Variants in ARHGAP29 observed in about 807,000 individuals in gnomAD.
ARHGAP29 encodes Rho GTPase activating protein 29.
ARHGAP29 carries 43 observed loss-of-function variants against 122.6 expected under a neutral mutation model. That is an observed-to-expected ratio of 0.35 (90% CI 0.27 to 0.45). The LOEUF (loss-of-function observed/expected upper bound fraction) is 0.45. Ranked by LOEUF, ARHGAP29 falls within the 20% of genes least tolerant of loss-of-function variation. ARHGAP29 has a pLI of 1.00. For missense variants in ARHGAP29, 1,303 were observed against 1,477.2 expected, an observed-to-expected ratio of 0.88 and a Z score of 1.93; for synonymous variants, 506 against 497.1, an observed-to-expected ratio of 1.02 and a Z score of -0.24.
rs932256515 is a variant in ARHGAP29 at position 94,170,186 on chromosome 1, T to C, written c.*3683A>G. 3.3e-5 allele frequency among the ~76,000 whole-genome samples: 5 copies of C among 152,226 alleles called. No individual in the cohort carries two copies. The highest frequency in any genetic ancestry group is 7.3e-5 in the Non-Finnish European group (5 of 68,046). ...ATTCTAATTTTACAATGGAGAAACC[T>C]GGTATATACTATCTGAACCAAGTGA... On this transcript the variant is annotated 3_prime_UTR_variant, in exon 23 of 23. Transcript: ENST00000260526.
In ARHGAP29 at chr1:94,170,004, G is replaced by C. The variant is rs1223171739; in HGVS notation, c.*3865C>G. Among the ~76,000 whole-genome samples the C allele has an allele frequency of 6.6e-6, 1 of 152,194 alleles. No homozygotes were observed. Among genetic ancestry groups the C allele is most frequent in the East Asian group, 1.9e-4 (1 of 5,198 alleles). ...GAAGGAAGAGCTCTTCCTTACAGTA[G>C]TAGGATGCCAACCAAGGCAGAAGCC... On this transcript the variant is annotated 3_prime_UTR_variant, in exon 23 of 23. Transcript: ENST00000260526.
At chr1:94,247,752 C>G (rs1424022889) in intron 1 of ARHGAP29, 1 of 613,040 alleles carries the variant, frequency 1.6e-6, no homozygotes, top group Non-Finnish European at 2.0e-6. Flanking sequence ...CAGCTACCGC[C>G]ACGGCTGCGC....
chr1:94,300,364 C>A, the ARHGAP29 span, among the ~76,000 whole-genome samples: 9 of 152,186 alleles, frequency 5.9e-5, no homozygotes, highest in Non-Finnish European at 2.9e-5. Context: ...TTAAAGAAAC[C>A]AGTTTCAAGC....
chr1:94,171,047 G>C lies in ARHGAP29; in HGVS notation c.*2822C>G, dbSNP rs1048402056. On this transcript the variant is annotated 3_prime_UTR_variant, in exon 23 of 23. Transcript: ENST00000260526. ...CATCACCATAATTTCCTGCCTGTAGGAAAGAAAAACCCACAGAATTCCACT... is the reference window on the plus strand; with the variant it reads ...CATCACCATAATTTCCTGCCTGTAGCAAAGAAAAACCCACAGAATTCCACT... Among the ~76,000 whole-genome samples, 3 of 152,062 alleles carry C rather than the reference G, an allele frequency of 2.0e-5. No individual in the cohort carries two copies. Among genetic ancestry groups the C allele is most frequent in the African/African-American group, 7.2e-5 (3 of 41,384 alleles).
chr1:94,252,273 A>G (rs969803883), intron 1 of ARHGAP29, among the ~76,000 whole-genome samples: 4 of 152,210 alleles, frequency 2.6e-5, no homozygotes, highest in African/African-American at 4.8e-5. Context: ...AGTTCTGCTT[A>G]TAGCTTGGTT....
the ARHGAP29 span, among the ~76,000 whole-genome samples, chr1:94,282,794 G>T: frequency 7.2e-5 from 11 of 152,286 alleles, no homozygotes; most frequent in Admixed American, 3.9e-4. Context: ...TACTGCAGAA[G>T]AAGAACCAAG....
At chr1:94,183,170 AAT>A (rs1649582480) in intron 19 of ARHGAP29, among the ~76,000 whole-genome samples, 1 of 150,986 alleles carries the variant, frequency 6.6e-6, no homozygotes, top group South Asian at 2.1e-4. Flanking sequence ...GTACTCTATA[AAT>A]ATGTACAGTT....
chr1:94,211,461 T>C (rs1448168257), intron 3 of ARHGAP29, among the ~76,000 whole-genome samples: 1 of 151,818 alleles, frequency 6.6e-6, no homozygotes, highest in Admixed American at 6.6e-5. Flanking sequence ...AGATGGAAAA[T>C]AAGTAAGCAT....
intron 1 of ARHGAP29, among the ~76,000 whole-genome samples, chr1:94,270,476 C>A (rs1364228287): frequency 6.6e-6 from 1 of 152,160 alleles, no homozygotes; most frequent in Non-Finnish European, 1.5e-5. Context: ...TTTGGCGCTG[C>A]CATATCATAC....
At chr1:94,180,566 C>A (rs1649389967) in intron 19 of ARHGAP29, among the ~76,000 whole-genome samples, 1 of 152,146 alleles carries the variant, frequency 6.6e-6, no homozygotes, top group Non-Finnish European at 1.5e-5. Flanking sequence ...GTACCTCTGA[C>A]TACTACCTGA....
chr1:94,265,987 G>T (rs1029618344), intron 1 of ARHGAP29, among the ~76,000 whole-genome samples: 6 of 152,316 alleles, frequency 3.9e-5, no homozygotes, highest in African/African-American at 1.4e-4. Flanking sequence ...ACAAGCATGT[G>T]ATGCAGGGAG....
the ARHGAP29 span, among the ~76,000 whole-genome samples, chr1:94,309,175 A>AT: frequency 2.0e-5 from 3 of 152,242 alleles, no homozygotes; most frequent in Non-Finnish European, 4.4e-5. Context: ...CATTTGTTTC[A>AT]TACTTTCAAG....
At chr1:94,298,031 G>T in the ARHGAP29 span, among the ~76,000 whole-genome samples, 2 of 152,134 alleles carry the variant, frequency 1.3e-5, no homozygotes, top group African/African-American at 2.4e-5. Context: ...TTTCAAAATG[G>T]TAATGATAAA....
intron 2 of ARHGAP29, among the ~76,000 whole-genome samples, chr1:94,230,354 A>C (rs1026278899): frequency 1.3e-5 from 2 of 151,824 alleles, no homozygotes; most frequent in Non-Finnish European, 3.0e-5. Flanking sequence ...ATGAATGGGA[A>C]TATGAACAAC....
Position 94,177,892 on chromosome 1 carries a change from A to C in ARHGAP29, c.2756T>G (p.Ile919Ser), listed in dbSNP as rs752105531. ...KPLLSPEERD[I>S]ERSMKSLFFS... ...AAATAGTGACTTCATGGAACGTTCA[A>C]TGTCTCTTTCTTCTGGTGATAACAG... Residue 919 changes from isoleucine (I) to serine (S), a missense_variant, in exon 21 of 23, where the codon ATT (isoleucine) becomes AGT (serine). Around this residue, in one of 3 missense-constraint regions of ARHGAP29, gnomAD observed 620 missense variants for 651.2 expected, o/e 0.95. Coordinates refer to ENST00000260526, the MANE Select transcript of ARHGAP29 (RefSeq NM_004815.4). 1.0e-4 allele frequency: 163 copies of C among 1,613,748 alleles called. No individual in the cohort carries two copies. The highest frequency in any genetic ancestry group is 1.6e-4 in the Middle Eastern group (1 of 6,080).
intron 1 of ARHGAP29, among the ~76,000 whole-genome samples, chr1:94,265,779 C>G (rs560597875): frequency 6.6e-6 from 1 of 152,256 alleles, no homozygotes; most frequent in South Asian, 2.1e-4. Context: ...CACCCTGCTT[C>G]AAGGGTGGGG....
chr1:94,288,209 T>C, the ARHGAP29 span, among the ~76,000 whole-genome samples: 1 of 152,250 alleles, frequency 6.6e-6, no homozygotes, highest in East Asian at 1.9e-4. Context: ...TGAGATAGTA[T>C]CTCATTGTGG....
At chr1:94,177,136 ATC>A (rs953501183) in intron 22 of ARHGAP29, 12 of 152,332 alleles carry the variant, frequency 7.9e-5, no homozygotes, top group African/African-American at 2.7e-4. Context: ...AGACATACAC[ATC>A]TCTGTGTTTA....
intron 1 of ARHGAP29, among the ~76,000 whole-genome samples, chr1:94,251,695 C>T (rs145963097): frequency 6.6e-6 from 1 of 152,154 alleles, no homozygotes; most frequent in African/African-American, 2.4e-5. Context: ...ATTGGCTTTT[C>T]CCATACATCT....
Sources: gnomAD v4.1 joint callset for allele counts (sites outside exome capture counted in the v4.1 genomes callset) on GRCh38, gnomAD v4.1.1 for gene constraint, gnomAD v4.1.1 regional missense constraint, MANE v1.5 for transcripts, NCBI Gene and HGNC (gene_info 2026-07-23, HGNC 2026-07-21) for gene names.